The following SLCO4A1 variants were observed in gnomAD, a reference collection of about 807,000 sequenced individuals.
SLCO4A1 encodes the protein solute carrier organic anion transporter family member 4A1, also known as colon organic anion transporter.
SLCO4A1 carries 51 observed loss-of-function variants against 64.6 expected under a neutral mutation model. The ratio of observed to expected loss-of-function variants is 0.79; its 90% CI spans 0.63 to 1.00. The LOEUF is 1.00. Ranked by LOEUF, SLCO4A1 falls within the 50% of genes least tolerant of loss-of-function variation. SLCO4A1 has a pLI of 0.00. For synonymous variants in SLCO4A1, 471 were observed against 444.9 expected (o/e 1.06, Z -0.74); for missense variants, 919 against 980.5 (o/e 0.94, Z 0.84).
At chr20:62,652,028 T>TCCCCCACCCTGCCCCGCCC (rs1982610279) in intron 1 of SLCO4A1, 2 of 20,546 alleles carry the variant, frequency 9.7e-5, no homozygotes, top group Non-Finnish European at 2.3e-4. Flanking sequence ...TGCCCCCGCC[T>TCCCCCACCCTGCCCCGCCC]CCCCCACCCT....
intron 5 of SLCO4A1, among the ~76,000 whole-genome samples, chr20:62,663,874 C>T (rs1026449099): frequency 6.6e-6 from 1 of 152,196 alleles, no homozygotes; most frequent in African/African-American, 2.4e-5. Context: ...GAGGGCTTTG[C>T]GTGGTTTACA....
chr20:62,659,662 G>A (rs1427821540), intron 3 of SLCO4A1, among the ~76,000 whole-genome samples: 1 of 152,240 alleles, frequency 6.6e-6, no homozygotes, highest in Non-Finnish European at 1.5e-5. Context: ...GGCCCCCGGA[G>A]GCGGCCGCAG....
At position 62,668,166 on chromosome 20, in the gene SLCO4A1, C is replaced by T; in HGVS notation, c.1793C>T (p.Ala598Val). 1.2e-6 allele frequency: 2 copies of T among 1,613,928 alleles called. 1 individual carries two copies. The highest frequency in any genetic ancestry group is 2.2e-5 in the South Asian group (2 of 91,092). The change falls in exon 9 of 12, where the codon GCA becomes GTA. Residue 598 changes from alanine to valine, a missense_variant. Transcript: ENST00000217159. Reference sequence around the variant, plus strand: ...TTTACATTCCTCAGCAGCATTCCTGCACTAACGGCAACTCTACGGTAAGCT... The same window carrying T: ...TTTACATTCCTCAGCAGCATTCCTGTACTAACGGCAACTCTACGGTAAGCT... ...IFFTFLSSIP[A>V]LTATLRCVRD... is the part of the protein sequence containing the mutation.
intron 10 of SLCO4A1, 147 bp downstream of exon 10, chr20:62,668,688 C>T: frequency 1.2e-6 from 1 of 853,990 alleles, no homozygotes; most frequent in Non-Finnish European, 1.9e-6. Flanking sequence ...TAACTGTCCA[C>T]TAGAGGGGCC....
chr20:62,654,632 T>C (rs1176048435), intron 1 of SLCO4A1, among the ~76,000 whole-genome samples: 2 of 152,254 alleles, frequency 1.3e-5, no homozygotes, highest in Non-Finnish European at 2.9e-5. Context: ...CAGCCTGATG[T>C]CAGTGGGCAG....
chr20:62,659,627 A>C (rs1210825332), intron 3 of SLCO4A1, among the ~76,000 whole-genome samples: 1 of 151,790 alleles, frequency 6.6e-6, no homozygotes. Flanking sequence ...CACTTTGCAC[A>C]AAGTGGGGAG....
intron 2 of SLCO4A1, 23 bp from the exon 3 acceptor site, chr20:62,658,654 T>C: frequency 8.1e-6 from 13 of 1,596,552 alleles, no homozygotes; most frequent in Non-Finnish European, 1.1e-5. Context: ...ACAGCGGCCC[T>C]GACGCCTCTG....
At chr20:62,660,277 G>C (rs959739105) in intron 3 of SLCO4A1, 135 bp from the exon 4 acceptor site, 3 of 972,178 alleles carry the variant, frequency 3.1e-6, no homozygotes, top group Non-Finnish European at 4.4e-6. Flanking sequence ...AGCAGCACCA[G>C]GGGCCTGTGT....
At chr20:62,674,308 C>T (rs1302648169), downstream of SLCO4A1, among the ~76,000 whole-genome samples, 3 of 152,098 alleles carry the variant, frequency 2.0e-5, no homozygotes, top group Non-Finnish European at 4.4e-5. Flanking sequence ...ATGGGGCCCT[C>T]GGGGAGACTC....
At chr20:62,647,988 C>T (rs1354875133) in intron 1 of SLCO4A1, among the ~76,000 whole-genome samples, 1 of 152,234 alleles carries the variant, frequency 6.6e-6, no homozygotes. Flanking sequence ...AACTCTGGCC[C>T]CCATGGCCTC....
downstream of SLCO4A1, among the ~76,000 whole-genome samples, chr20:62,673,062 CTAAG>C (rs1422069148): frequency 1.4e-5 from 2 of 143,376 alleles, no homozygotes; most frequent in African/African-American, 5.0e-5. Context: ...TTTTGATTTG[CTAAG>C]TAAGGAGATA....
downstream of SLCO4A1, among the ~76,000 whole-genome samples, chr20:62,688,395 G>A (rs1476498463): frequency 6.6e-6 from 1 of 151,932 alleles, no homozygotes; most frequent in Non-Finnish European, 1.5e-5. Context: ...GTGCACCAAT[G>A]ACCCCACTCA....
chr20:62,657,890 A>G lies in SLCO4A1; in HGVS notation c.796+640A>G, dbSNP rs564599268. 1.2e-4 allele frequency among the ~76,000 whole-genome samples: 18 copies of G among 152,310 alleles called. No homozygotes were observed. In the South Asian group the frequency reaches 2.9e-3, roughly 25 times the overall value. On this transcript the variant is annotated intron_variant, in intron 2 of 11. Transcript: ENST00000217159. ...GCTCATGGCTGCTTCACAGCTATCT[A>G]AGAGTAAAGATCTATGTTATAACTC...
chr20:62,679,687 G>A (rs960323060), intron 2 of SLCO4A1, among the ~76,000 whole-genome samples: 4 of 152,150 alleles, frequency 2.6e-5, no homozygotes, highest in Non-Finnish European at 2.9e-5. Flanking sequence ...TTACAAGCCA[G>A]TTTTACTGCA....
intron 2 of SLCO4A1, among the ~76,000 whole-genome samples, chr20:62,684,121 C>T (rs529172635): frequency 6.7e-6 from 1 of 150,024 alleles, no homozygotes; most frequent in Non-Finnish European, 1.5e-5. Context: ...CACACGCTCA[C>T]GCAAAGATCT....
chr20:62,669,427 G>T (rs954185475), intron 11 of SLCO4A1, among the ~76,000 whole-genome samples: 3 of 152,342 alleles, frequency 2.0e-5, no homozygotes, highest in African/African-American at 7.2e-5. Flanking sequence ...AATAAGAAGT[G>T]GCTGCTCCTG....
At chr20:62,675,267 G>C (rs892022217), downstream of SLCO4A1, among the ~76,000 whole-genome samples, 4 of 152,186 alleles carry the variant, frequency 2.6e-5, no homozygotes, top group Non-Finnish European at 4.4e-5. Flanking sequence ...CCTGCCGGCA[G>C]TGAGACTTCG....
downstream of SLCO4A1, among the ~76,000 whole-genome samples, chr20:62,674,174 G>A (rs892772075): frequency 1.3e-5 from 2 of 152,226 alleles, no homozygotes; most frequent in African/African-American, 2.4e-5. Context: ...AGTGGTGGGC[G>A]AGGCAGGAAC....
intron 3 of SLCO4A1, among the ~76,000 whole-genome samples, 193 bp downstream of exon 3, chr20:62,658,960 G>A (rs1024250933): frequency 2.6e-5 from 4 of 152,232 alleles, no homozygotes; most frequent in African/African-American, 4.8e-5. Context: ...CTTGGGAGTC[G>A]GCCCCAGGGC....
Sources: allele counts gnomAD v4.1 joint callset (sites outside exome capture counted in the v4.1 genomes callset), GRCh38; gene constraint gnomAD v4.1.1; transcripts MANE v1.5; gene names NCBI Gene and HGNC (gene_info 2026-07-23, HGNC 2026-07-21).